Variants in CEP350 observed in about 807,000 individuals in gnomAD.
CEP350 encodes centrosomal protein 350.
CEP350 carries 126 observed loss-of-function variants against 331.8 expected under a neutral mutation model. That is an observed-to-expected ratio of 0.38 (90% CI 0.33 to 0.44). CEP350 has a LOEUF of 0.44. Ranked by LOEUF, CEP350 falls within the 20% of genes least tolerant of loss-of-function variation. CEP350 has a pLI of 1.00. For missense variants in CEP350, 3,406 were observed against 3,634.6 expected, an observed-to-expected ratio of 0.94 and a Z score of 1.62; for synonymous variants, 1,200 against 1,259.5, an observed-to-expected ratio of 0.95 and a Z score of 1.00.
intron 32 of CEP350, among the ~76,000 whole-genome samples, chr1:180,089,612 AGTTAAAGTGCTAGATGGG>A (rs1200038956): frequency 6.6e-6 from 1 of 151,992 alleles, no homozygotes; most frequent in Admixed American, 6.5e-5. Flanking sequence ...AAACTTGATA[AGTTAAAGTGCTAGATGGG>A]GTAGCAAGTC....
intron 1 of CEP350, among the ~76,000 whole-genome samples, chr1:179,956,042 T>C (rs1650147100): frequency 6.6e-6 from 1 of 152,196 alleles, no homozygotes; most frequent in Non-Finnish European, 1.5e-5. Context: ...GAAACAATGA[T>C]AAAATACTAA....
chr1:180,024,542 T>A lies in CEP350; in HGVS notation c.3510T>A (p.Thr1170=), dbSNP rs199569137. The A allele has an allele frequency of 1.2e-6, 2 of 1,612,980 alleles. No homozygotes were observed. The highest frequency in any genetic ancestry group is 3.3e-5 in the Admixed American group (2 of 59,956). The part of the protein sequence containing the change: ...AQSAASSRSS[T]SSKGKKGKKE... ...CTGCTGCATCGTCTCGTTCATCTAC[T>A]TCTTCTAAAGGAAAGAAAGGAAAAA... The change falls in exon 14 of 38, where the codon ACT becomes ACA. Residue 1170 remains threonine, a synonymous_variant. Transcript: ENST00000367607.
chr1:179,962,847 A>G (rs1650736037), intron 1 of CEP350, among the ~76,000 whole-genome samples: 2 of 152,212 alleles, frequency 1.3e-5, no homozygotes, highest in Admixed American at 1.3e-4. Flanking sequence ...AGTAGTGGGA[A>G]TGCTGGGTCT....
At chr1:179,975,984 AAG>A (rs1029354794) in intron 1 of CEP350, among the ~76,000 whole-genome samples, 5 of 152,228 alleles carry the variant, frequency 3.3e-5, no homozygotes, top group African/African-American at 1.2e-4. Context: ...TAAGAGAGGT[AAG>A]AGAAAAAAAC....
rs1388441123 is a variant in CEP350, at chr1:180,075,177, A to T, written c.5723A>T (p.Lys1908Ile). ...TGGGACAAAGAATTAATAAAACCCA[A>T]AACTCCTAAGAAAGAACTGGAGGAC... Reference protein sequence around the residue: ...AAWDKELIKPKTPKKELEDQR... With the variant: ...AAWDKELIKPITPKKELEDQR... The change falls in exon 28 of 38, where the codon AAA (lysine) becomes ATA (isoleucine). Residue 1908 changes from lysine to isoleucine, a missense_variant. Transcript: ENST00000367607. 3 of 1,613,400 alleles carry T rather than the reference A, an allele frequency of 1.9e-6. No individual in the cohort carries two copies. The highest frequency in any genetic ancestry group is 2.5e-6 in the Non-Finnish European group (3 of 1,179,652).
intron 14 of CEP350, among the ~76,000 whole-genome samples, chr1:180,026,186 G>T (rs182402393): frequency 1.6e-3 from 249 of 151,572 alleles, no homozygotes; most frequent in African/African-American, 5.9e-3. Context: ...CAGGAGAATC[G>T]CTTGAACCCA....
At chr1:180,047,907 TAAG>T (rs528358876) in intron 21 of CEP350, among the ~76,000 whole-genome samples, 156 of 152,080 alleles carry the variant, frequency 1.0e-3, no homozygotes, top group African/African-American at 3.6e-3. Context: ...TCATAGGATA[TAAG>T]AAGGGAGGGC....
intron 1 of CEP350, chr1:179,969,460 C>T (rs924250103): frequency 1.4e-5 from 7 of 487,734 alleles, no homozygotes; most frequent in Non-Finnish European, 2.5e-5. Flanking sequence ...GTCTACAGCT[C>T]CCACTGCTCA....
At chr1:180,007,392 C>T (rs1025743205) in intron 8 of CEP350, among the ~76,000 whole-genome samples, 14 of 152,076 alleles carry the variant, frequency 9.2e-5, no homozygotes, top group African/African-American at 1.2e-4. Flanking sequence ...GTTTGTTGGC[C>T]GCATAAATGT....
chr1:180,092,057 C>T (rs915568695), intron 33 of CEP350, among the ~76,000 whole-genome samples: 2 of 140,570 alleles, frequency 1.4e-5, no homozygotes, highest in African/African-American at 2.6e-5. Flanking sequence ...AAAAAAAAAA[C>T]GATTTGAATT....
chr1:180,092,963 A>G lies in CEP350; in HGVS notation c.6858A>G (p.Lys2286=), dbSNP rs1292722620. 6.3e-7 allele frequency: 1 copy of G among 1,598,496 alleles called. No homozygotes were observed. The highest frequency in any genetic ancestry group is 2.2e-5 in the East Asian group (1 of 44,704). Residue 2286 remains lysine, a synonymous_variant, in exon 34 of 38, where the codon AAA becomes AAG. Coordinates refer to ENST00000367607, the MANE Select transcript of CEP350 (RefSeq NM_014810.5). ...AAGGTAAATCTGATGTCTTACTGAA[A>G]TTAGTCCTAGAACAGGGAGATTCAT... The part of the protein sequence containing the change: ...SKEGKSDVLL[K]LVLEQGDSSE...
chr1:180,014,921 T>A (rs186848085), intron 10 of CEP350, among the ~76,000 whole-genome samples: 4 of 152,236 alleles, frequency 2.6e-5, no homozygotes, highest in African/African-American at 9.6e-5. Flanking sequence ...TATAACATAA[T>A]GTTGATTAAC....
At chr1:179,973,494 A>G (rs187353803) in intron 1 of CEP350, among the ~76,000 whole-genome samples, 8 of 152,274 alleles carry the variant, frequency 5.3e-5, no homozygotes, top group Non-Finnish European at 1.0e-4. Context: ...TAACGTTTAT[A>G]TGTATTTCTT....
At chr1:180,022,964 G>A (rs1413271765) in intron 13 of CEP350, 116 bp downstream of exon 13, 1 of 914,072 alleles carries the variant, frequency 1.1e-6, no homozygotes, top group Non-Finnish European at 1.6e-6. Context: ...TATAGAGGCT[G>A]CACATCATAG....
Position 179,992,074 on chromosome 1 carries a change from T to C in CEP350, c.248T>C (p.Leu83Pro). The change falls in exon 5 of 38, where the codon CTG (leucine) becomes CCG (proline). Residue 83 changes from leucine to proline, a missense_variant. By Grantham distance (98) the Leu-to-Pro change is moderately conservative (BLOSUM62 -3). Coordinates refer to ENST00000367607, the MANE Select transcript of CEP350 (RefSeq NM_014810.5). ...CCTTTTCCTTCAGATGGTAGATACC[T>C]GGATGATTCTTGGGTTAATGCTCCA... ...RKISRKDGRY[L>P]DDSWVNAPIS... 6.5e-7 allele frequency: 1 copy of C among 1,541,464 alleles called. No individual in the cohort carries two copies. Among genetic ancestry groups the C allele is most frequent in the Non-Finnish European group, 8.7e-7 (1 of 1,147,822 alleles).
At chr1:180,012,129 T>C in intron 9 of CEP350, 54 bp downstream of exon 9, 1 of 1,446,880 alleles carries the variant, frequency 6.9e-7, no homozygotes, top group Non-Finnish European at 9.3e-7. Flanking sequence ...TGCTATTAAG[T>C]ACTTAGAGAA....
intron 5 of CEP350, among the ~76,000 whole-genome samples, chr1:179,995,666 A>T (rs887277714): frequency 2.6e-5 from 4 of 152,208 alleles, no homozygotes; most frequent in Non-Finnish European, 4.4e-5. Flanking sequence ...AAATAAAAAT[A>T]GTCTCTGGAG....
intron 21 of CEP350, among the ~76,000 whole-genome samples, chr1:180,046,963 G>T (rs998958984): frequency 1.3e-5 from 2 of 152,138 alleles, no homozygotes; most frequent in Non-Finnish European, 2.9e-5. Context: ...TTTATTAGAA[G>T]ATTTATGTTT....
At chr1:180,071,781 C>A (rs1366198565) in intron 27 of CEP350, among the ~76,000 whole-genome samples, 8 of 149,252 alleles carry the variant, frequency 5.4e-5, no homozygotes, top group Non-Finnish European at 5.9e-5. Context: ...GACTCCGTCT[C>A]AAAAAAAAAA....
Sources: gnomAD v4.1 joint callset for allele counts (sites outside exome capture counted in the v4.1 genomes callset) on GRCh38, gnomAD v4.1.1 for gene constraint, MANE v1.5 for transcripts, NCBI Gene and HGNC (gene_info 2026-07-23, HGNC 2026-07-21) for gene names.